The following NR3C1 variants were observed in gnomAD, a reference collection of about 807,000 sequenced individuals.
NR3C1 encodes glucocorticoid receptor.
Under a neutral mutation model 74.0 loss-of-function variants are expected in NR3C1, and 14 were observed. That is an observed-to-expected ratio of 0.19 (90% confidence interval 0.12 to 0.30). The LOEUF is 0.30. NR3C1 is among the 10% of genes least tolerant of loss of function. NR3C1 has a pLI of 1.00. For missense variants in NR3C1, 695 were observed against 909.8 expected, an observed-to-expected ratio of 0.76 and a Z score of 3.04; for synonymous variants, 308 against 332.5, an observed-to-expected ratio of 0.93 and a Z score of 0.80.
At chr5:143,373,463 G>T (rs1433288849) in intron 2 of NR3C1, among the ~76,000 whole-genome samples, 1 of 151,710 alleles carries the variant, frequency 6.6e-6, no homozygotes, top group Non-Finnish European at 1.5e-5. Flanking sequence ...CATTTATCGG[G>T]GGGTGGGGGG....
At chr5:143,306,465 A>T (rs1819613740) in intron 4 of NR3C1, among the ~76,000 whole-genome samples, 1 of 152,246 alleles carries the variant, frequency 6.6e-6, no homozygotes, top group South Asian at 2.1e-4. Context: ...GATTTTATGT[A>T]TACTGAGGTT....
intron 2 of NR3C1, chr5:143,332,887 T>C (rs1205089431): frequency 6.7e-7 from 1 of 1,499,818 alleles, no homozygotes; most frequent in African/African-American, 1.4e-5. Context: ...AATCTAAAAA[T>C]GCTGCATATA....
intron 7 of NR3C1, among the ~76,000 whole-genome samples, chr5:143,283,573 A>C (rs1813607336): frequency 1.3e-5 from 2 of 152,232 alleles, no homozygotes; most frequent in Non-Finnish European, 1.5e-5. Context: ...GTTAATTATA[A>C]CTTTAAAATC....
At chr5:143,356,860 A>T (rs1407330236) in intron 2 of NR3C1, among the ~76,000 whole-genome samples, 3 of 152,198 alleles carry the variant, frequency 2.0e-5, no homozygotes, top group South Asian at 2.1e-4. Flanking sequence ...ACAGAATACT[A>T]GGATTAGTTT....
chr5:143,376,491 A>G (rs1223866131), intron 2 of NR3C1, among the ~76,000 whole-genome samples: 1 of 152,218 alleles, frequency 6.6e-6, no homozygotes, highest in Non-Finnish European at 1.5e-5. Flanking sequence ...GGAGAAAGTC[A>G]GGTAGGCCTG....
At position 143,358,016 on chromosome 5, in the gene NR3C1, T is replaced by C. The variant is rs115661454; in HGVS notation, c.1184+41640A>G. Among the ~76,000 whole-genome samples the C allele has an allele frequency of 5.0e-3, 768 of 152,334 alleles. 4 individuals carry two copies. The highest frequency in any genetic ancestry group is 0.017 in the African/African-American group (725 of 41,576). ...CTAAATACTTGATCAAGCCAAACGATAGTTCTTTCATCTGAAAACAGAAAA... is the reference window on the plus strand; with the variant it reads ...CTAAATACTTGATCAAGCCAAACGACAGTTCTTTCATCTGAAAACAGAAAA... On this transcript the variant is annotated intron_variant, in intron 2 of 8. Coordinates refer to ENST00000394464, the MANE Select transcript of NR3C1 (RefSeq NM_000176.3).
At chr5:143,398,740 C>G (rs755381718) in intron 2 of NR3C1, among the ~76,000 whole-genome samples, 2 of 152,008 alleles carry the variant, frequency 1.3e-5, no homozygotes, top group Admixed American at 6.6e-5. Context: ...GATGAGGTTA[C>G]GGGGTAGAGA....
chr5:143,345,636 A>C (rs887064832), intron 2 of NR3C1, among the ~76,000 whole-genome samples: 5 of 152,240 alleles, frequency 3.3e-5, no homozygotes, highest in Non-Finnish European at 5.9e-5. Flanking sequence ...CTATGTGGTG[A>C]CAGGGGGTGC....
chr5:143,387,682 T>G (rs138791431), intron 2 of NR3C1, among the ~76,000 whole-genome samples: 12 of 152,340 alleles, frequency 7.9e-5, no homozygotes, highest in African/African-American at 2.6e-4. Flanking sequence ...TTTCTGCGAC[T>G]GTCATTGCCA....
Position 143,316,211 on chromosome 5 carries a change from G to A in NR3C1, c.1185-2043C>T, listed in dbSNP as rs777889903. On this transcript the variant is annotated intron_variant, in intron 2 of 8. Coordinates refer to ENST00000394464, the MANE Select transcript of NR3C1 (RefSeq NM_000176.3). Reference sequence around the variant, plus strand: ...TTTCCAGAGAAGTAGGAAGGTCCTGGAACAGTGAATGGTGCGACAATGTGT... The same window carrying A: ...TTTCCAGAGAAGTAGGAAGGTCCTGAAACAGTGAATGGTGCGACAATGTGT... Among the ~76,000 whole-genome samples the A allele has an allele frequency of 2.6e-5, 4 of 152,286 alleles. No individual in the cohort carries two copies. The South Asian group carries it at 8.3e-4, about 32-fold the overall frequency.
intron 7 of NR3C1, 43 bp from the exon 8 acceptor site, chr5:143,282,768 TTTTCTTTTC>T (rs745688800): frequency 6.3e-7 from 1 of 1,582,492 alleles, no homozygotes; most frequent in South Asian, 1.2e-5. Flanking sequence ...TTTCTTTTTC[TTTTCTTTTC>T]TTTTTTTTTT....
intron 2 of NR3C1, among the ~76,000 whole-genome samples, chr5:143,354,500 C>G (rs905806080): frequency 6.6e-6 from 1 of 152,126 alleles, no homozygotes; most frequent in African/African-American, 2.4e-5. Flanking sequence ...ATATTATTGT[C>G]TCTCAGGGAT....
intron 2 of NR3C1, among the ~76,000 whole-genome samples, chr5:143,376,405 C>G (rs1316800798): frequency 6.6e-6 from 1 of 152,212 alleles, no homozygotes; most frequent in Non-Finnish European, 1.5e-5. Context: ...CTTTCCATGA[C>G]ACCTAGTGCC....
chr5:143,293,993 G>T (rs894806731), intron 7 of NR3C1: 1 of 984,754 alleles, frequency 1.0e-6, no homozygotes, highest in South Asian at 4.7e-5. Flanking sequence ...CAAGTGTACC[G>T]CTACAGGTAA....
rs76747429 is a variant in NR3C1, at chr5:143,349,143, T to C, written c.1185-34975A>G. Reference sequence around the variant, plus strand: ...TGATCCTACTGTCTTTTTGTGGCGATTGTTAAACAGTGGTAGTATATTCTT... The same window carrying C: ...TGATCCTACTGTCTTTTTGTGGCGACTGTTAAACAGTGGTAGTATATTCTT... On this transcript the variant is annotated intron_variant, in intron 2 of 8. Coordinates refer to ENST00000394464, the MANE Select transcript of NR3C1 (RefSeq NM_000176.3). Among the ~76,000 whole-genome samples, 156 of 152,274 alleles carry C rather than the reference T, an allele frequency of 1.0e-3. 3 individuals are homozygous for C. The East Asian group carries it at 0.022, about 22-fold the overall frequency.
chr5:143,400,793 C>T lies in NR3C1; in HGVS notation c.47G>A (p.Ser16Asn). Residue 16 changes from serine (S) to asparagine (N), a missense_variant, in exon 2 of 9, where the codon AGC (serine) becomes AAC (asparagine). Coordinates refer to ENST00000394464, the MANE Select transcript of NR3C1 (RefSeq NM_000176.3). ...SLTPGREENP[S>N]SVLAQERGDV... ...TCCCCTCTCCTGAGCAAGCACACTG[C>T]TGGGGTTTTCTTCTCTACCAGGAGT... 1 of 1,614,100 alleles carries T rather than the reference C, an allele frequency of 6.2e-7. No homozygotes were observed. The highest frequency in any genetic ancestry group is 1.3e-5 in the African/African-American group (1 of 75,024).
chr5:143,420,736 T>G (rs1195270178), intron 1 of NR3C1, among the ~76,000 whole-genome samples: 2 of 152,102 alleles, frequency 1.3e-5, no homozygotes, highest in Non-Finnish European at 2.9e-5. Flanking sequence ...GCCCAAAATG[T>G]CAATAGTGCC....
upstream of NR3C1, chr5:143,403,811 G>C: frequency 5.1e-6 from 5 of 974,880 alleles, no homozygotes; most frequent in Non-Finnish European, 6.1e-6. Context: ...GCAACTGCAG[G>C]GGCGCCCGCG....
intron 7 of NR3C1, chr5:143,294,807 T>C: frequency 1.7e-6 from 1 of 576,594 alleles, no homozygotes. Context: ...TGTGTTTTCA[T>C]GGCTTGACAG....
Sources: allele counts gnomAD v4.1 joint callset (sites outside exome capture counted in the v4.1 genomes callset), GRCh38; gene constraint gnomAD v4.1.1; transcripts MANE v1.5; gene names NCBI Gene and HGNC (gene_info 2026-07-23, HGNC 2026-07-21).